CHRNA6: variants seen among roughly 807,000 people sequenced by gnomAD.
CHRNA6 encodes the protein neuronal acetylcholine receptor subunit alpha-6.
In CHRNA6, 31 loss-of-function variants were observed where a neutral mutation model predicts 40.9. The observed-to-expected ratio is 0.76, with a 90% confidence interval of 0.57 to 1.02. The LOEUF (loss-of-function observed/expected upper bound fraction) is 1.02. Among genes scored for constraint, CHRNA6 ranks in the 50% least tolerant of loss-of-function variants. CHRNA6 has a pLI of 0.00. For missense variants in CHRNA6, 546 were observed against 596.6 expected, an observed-to-expected ratio of 0.92 and a Z score of 0.88; for synonymous variants, 222 against 221.3, an observed-to-expected ratio of 1.00 and a Z score of -0.03.
In CHRNA6 at chr8:42,756,416, G is replaced by T; in HGVS notation, c.783C>A (p.Val261=). The change falls in exon 5 of 6, where the codon GTC becomes GTA. Residue 261 remains valine, a synonymous_variant. Coordinates refer to ENST00000276410, the MANE Select transcript of CHRNA6 (RefSeq NM_004198.3). ...CLFISFLTVL[V]FYLPSDCGEK... ...CACCACAGTCCGAAGGAAGGTAAAA[G>T]ACCAACACGGTTAGAAATGAAATAA... 1 of 1,614,202 alleles carries T rather than the reference G, an allele frequency of 6.2e-7. No homozygotes were observed. Among genetic ancestry groups the T allele is most frequent in the South Asian group, 1.1e-5 (1 of 91,074 alleles).
Position 42,759,118 on chromosome 8 carries a change from G to A in CHRNA6, c.220-5C>T. Reference sequence around the variant, plus strand: ...CATGATCTGGTTTACTTCATCCTGGGAAGAAGAAATAATACTTTTAGCCTC... The same window carrying A: ...CATGATCTGGTTTACTTCATCCTGGAAAGAAGAAATAATACTTTTAGCCTC... On this transcript the variant is annotated splice_polypyrimidine_tract_variant and splice_region_variant and intron_variant, in intron 2 of 5. Transcript: ENST00000276410. The A allele has an allele frequency of 6.2e-7, 1 of 1,611,702 alleles. No homozygotes were observed. Among genetic ancestry groups the A allele is most frequent in the Non-Finnish European group, 8.5e-7 (1 of 1,177,814 alleles).
At chr8:42,759,313 G>A (rs1182233332) in intron 2 of CHRNA6, 200 bp from the exon 3 acceptor site, 1 of 558,572 alleles carries the variant, frequency 1.8e-6, no homozygotes, top group Non-Finnish European at 3.2e-6. Flanking sequence ...TGTGGATTTT[G>A]AGAGGCAATG....
intron 5 of CHRNA6, 116 bp from the exon 6 acceptor site, chr8:42,753,426 A>C: frequency 1.0e-6 from 1 of 992,462 alleles, no homozygotes. Flanking sequence ...GCACGTTTTA[A>C]AGCAAATATC....
chr8:42,766,640 A>G (rs1218531784), intron 1 of CHRNA6, among the ~76,000 whole-genome samples: 1 of 152,228 alleles, frequency 6.6e-6, no homozygotes, highest in East Asian at 1.9e-4. Flanking sequence ...ACACAGGAAC[A>G]AAAAACCAAA....
At position 42,756,423 on chromosome 8, in the gene CHRNA6, A is replaced by G. The variant is rs41265264; in HGVS notation, c.776T>C (p.Val259Ala). Reference protein sequence around the residue: ...IPCLFISFLTVLVFYLPSDCG... With the variant: ...IPCLFISFLTALVFYLPSDCG... ...GTCCGAAGGAAGGTAAAAGACCAACACGGTTAGAAATGAAATAAAGAGACA... is the reference window on the plus strand; with the variant it reads ...GTCCGAAGGAAGGTAAAAGACCAACGCGGTTAGAAATGAAATAAAGAGACA... Residue 259 changes from valine to alanine, a missense_variant, in exon 5 of 6, where the codon GTG becomes GCG. By Grantham distance (64) the Val-to-Ala change is moderately conservative. Around this residue, in one of 3 missense-constraint regions of CHRNA6, gnomAD observed 476 missense variants for 494.5 expected, o/e 0.96. Transcript: ENST00000276410. The G allele has an allele frequency of 1.8e-5, 29 of 1,614,232 alleles. No homozygotes were observed. Among genetic ancestry groups the G allele is most frequent in the Non-Finnish European group, 2.4e-5 (28 of 1,180,024 alleles).
rs1294856478 is a variant in CHRNA6 at position 42,765,096 on chromosome 8, A to G, written c.188T>C (p.Phe63Ser). ...GGCCAGCTGGGTGATGGCCACTTCA[A>G]AGTGTACCGTGACAGGGTCGGAAAC... ...ENVSDPVTVH[F>S]EVAITQLANV... The change falls in exon 2 of 6, where the codon TTT becomes TCT. Residue 63 changes from phenylalanine (F) to serine (S), a missense_variant. By Grantham distance (155) the Phe-to-Ser change is radical. Coordinates refer to ENST00000276410, the MANE Select transcript of CHRNA6 (RefSeq NM_004198.3). 1.2e-6 allele frequency: 2 copies of G among 1,614,066 alleles called. No homozygotes were observed. The highest frequency in any genetic ancestry group is 2.7e-5 in the African/African-American group (2 of 74,922).
chr8:42,768,205 A>G (rs58986474), intron 1 of CHRNA6, 147 bp downstream of exon 1: 11 of 564,964 alleles, frequency 1.9e-5, no homozygotes, highest in African/African-American at 1.9e-4. Flanking sequence ...TAAAAACCAA[A>G]TAGATTAATT....
intron 1 of CHRNA6, among the ~76,000 whole-genome samples, chr8:42,767,586 T>C (rs972370019): frequency 3.3e-5 from 5 of 152,178 alleles, no homozygotes; most frequent in Non-Finnish European, 5.9e-5. Context: ...AATTACTAAA[T>C]GGAAAGAGTT....
intron 5 of CHRNA6, 132 bp from the exon 6 acceptor site, chr8:42,753,442 G>T (rs766851172): frequency 7.4e-6 from 6 of 809,302 alleles, no homozygotes; most frequent in Non-Finnish European, 1.2e-5. Flanking sequence ...ATATCAGCTG[G>T]GTGGGAGGAT....
rs1453675573 is a variant in CHRNA6, at chr8:42,752,789, A to G, written c.*390T>C. On this transcript the variant is annotated 3_prime_UTR_variant, in exon 6 of 6. Transcript: ENST00000276410. ...CCAATTCCCAGAGTTCACCTGTCACATGTCATAATACTGAGAAACAGCATC... is the reference window on the plus strand; with the variant it reads ...CCAATTCCCAGAGTTCACCTGTCACGTGTCATAATACTGAGAAACAGCATC... 1.2e-5 allele frequency: 2 copies of G among 171,138 alleles called. No homozygotes were observed. The highest frequency in any genetic ancestry group is 2.5e-5 in the Non-Finnish European group (2 of 80,974). 10.6% of individuals were successfully genotyped at this position (171,138 alleles called of 1,614,324 possible). A position where few individuals can be genotyped will look rare whatever the true frequency, so the allele number is the denominator to read the frequency against.
At chr8:42,754,857 C>T (rs1189314165) in intron 5 of CHRNA6, among the ~76,000 whole-genome samples, 2 of 152,126 alleles carry the variant, frequency 1.3e-5, no homozygotes, top group African/African-American at 4.8e-5. Context: ...GCTCATTTCA[C>T]CAGCACCTAA....
In CHRNA6 at chr8:42,765,067, C is replaced by A; in HGVS notation, c.217G>T (p.Val73Leu). Residue 73 changes from valine (V) to leucine (L), a missense_variant and splice_region_variant, in exon 2 of 6, where the codon GTG (valine) becomes TTG (leucine). Transcript: ENST00000276410. ...AGCTCTGATCAGAGGGCACTCACCA[C>A]GTTGGCCAGCTGGGTGATGGCCACT... ...FEVAITQLAN[V>L]DEVNQIMETN... The A allele has an allele frequency of 1.2e-6, 2 of 1,614,050 alleles. No homozygotes were observed. The highest frequency in any genetic ancestry group is 1.7e-6 in the Non-Finnish European group (2 of 1,179,938).
intron 2 of CHRNA6, among the ~76,000 whole-genome samples, chr8:42,762,002 C>T (rs1191189037): frequency 3.3e-5 from 5 of 152,214 alleles, no homozygotes; most frequent in Non-Finnish European, 7.3e-5. Context: ...CTTGGCCTTG[C>T]TCCTGTACTG....
At chr8:42,755,552 C>T (rs191627587) in intron 5 of CHRNA6, among the ~76,000 whole-genome samples, 1 of 152,352 alleles carries the variant, frequency 6.6e-6, no homozygotes, top group Non-Finnish European at 1.5e-5. Flanking sequence ...GCTAGGATTA[C>T]AGGCGTGAGC....
At chr8:42,759,424 G>T in intron 2 of CHRNA6, 5 of 259,684 alleles carry the variant, frequency 1.9e-5, no homozygotes, top group Non-Finnish European at 3.8e-5. Context: ...TGAAAGGAAG[G>T]AAAGAAAAGA....
At chr8:42,754,214 G>A (rs1175161815) in intron 5 of CHRNA6, among the ~76,000 whole-genome samples, 1 of 152,082 alleles carries the variant, frequency 6.6e-6, no homozygotes, top group African/African-American at 2.4e-5. Context: ...GGATTTTGCT[G>A]TGTTGCCCAG....
chr8:42,760,880 G>C (rs1386122650), intron 2 of CHRNA6, among the ~76,000 whole-genome samples: 1 of 152,178 alleles, frequency 6.6e-6, no homozygotes, highest in African/African-American at 2.4e-5. Context: ...CTGGCACCTT[G>C]AGTGGCCTTA....
intron 1 of CHRNA6, 80 bp downstream of exon 1, chr8:42,768,272 C>T: frequency 1.7e-6 from 2 of 1,149,336 alleles, no homozygotes; most frequent in East Asian, 2.3e-5. Flanking sequence ...ATTAATATAT[C>T]TTCTCAAGCA....
chr8:42,763,007 A>G (rs1287742967), intron 2 of CHRNA6, among the ~76,000 whole-genome samples: 1 of 152,236 alleles, frequency 6.6e-6, no homozygotes, highest in Non-Finnish European at 1.5e-5. Context: ...GGAGGTAGTC[A>G]ATGAGATGGA....
Sources: allele counts gnomAD v4.1 joint callset (sites outside exome capture counted in the v4.1 genomes callset), GRCh38; gene constraint gnomAD v4.1.1; regional missense constraint gnomAD v4.1.1; transcripts MANE v1.5; gene names NCBI Gene and HGNC (gene_info 2026-07-23, HGNC 2026-07-21).